GTF3C1: variants seen among roughly 807,000 people sequenced by gnomAD.
The protein encoded by GTF3C1 is general transcription factor IIIC subunit 1.
In GTF3C1, 57 loss-of-function variants were observed where a neutral mutation model predicts 226.7. That is an observed-to-expected ratio of 0.25 (90% CI 0.20 to 0.31). The LOEUF (loss-of-function observed/expected upper bound fraction) is 0.31, where lower values mean the gene tolerates loss of function less well. GTF3C1 is among the 10% of genes least tolerant of loss of function. GTF3C1 has a pLI of 1.00. For synonymous variants in GTF3C1, 1,090 were observed against 1,084.8 expected (o/e 1.00, Z -0.09); for missense variants, 2,217 against 2,776.1 (o/e 0.80, Z 4.53).
At chr16:27,521,071 G>A (rs993245128) in intron 6 of GTF3C1, among the ~76,000 whole-genome samples, 2 of 152,222 alleles carry the variant, frequency 1.3e-5, no homozygotes, top group Non-Finnish European at 2.9e-5. Context: ...GGTGTCAACT[G>A]TGCAGTGCTA....
At chr16:27,549,642 C>CCG in intron 1 of GTF3C1, 28 bp downstream of exon 1, 2 of 1,036,292 alleles carry the variant, frequency 1.9e-6, no homozygotes, top group Non-Finnish European at 2.9e-6. Context: ...CCCGCCCGCC[C>CCG]GCCCGCCAGG....
intron 29 of GTF3C1, among the ~76,000 whole-genome samples, chr16:27,474,502 G>T (rs1043365749): frequency 4.2e-4 from 64 of 152,194 alleles, no homozygotes; most frequent in African/African-American, 1.4e-3. Flanking sequence ...TAATCAGCAG[G>T]ATAGCTGGAA....
Position 27,483,083 on chromosome 16 carries a change from T to C in GTF3C1, c.4044A>G (p.Gly1348=). Residue 1348 remains glycine, a synonymous_variant, in exon 26 of 37, where the codon GGA becomes GGG. Coordinates refer to ENST00000356183, the MANE Select transcript of GTF3C1 (RefSeq NM_001520.4). ...AEVYQDKALV[G]DFMNRRGDYD... is the part of the protein sequence containing the mutation. The stretch of plus-strand genomic sequence containing the variant: ...AGTCACCTCTTCGATTCATGAAATC[T>C]CCAACAAGTGCTTTATCCTGGTACA... 6.2e-7 allele frequency: 1 copy of C among 1,614,210 alleles called. No homozygotes were observed. Among genetic ancestry groups the C allele is most frequent in the East Asian group, 2.2e-5 (1 of 44,888 alleles).
chr16:27,520,662 A>C (rs2088731650), intron 6 of GTF3C1, among the ~76,000 whole-genome samples: 1 of 152,214 alleles, frequency 6.6e-6, no homozygotes, highest in South Asian at 2.1e-4. Context: ...ACAGCTTCAG[A>C]GTCAATCACC....
Position 27,461,681 on chromosome 16 carries a change from G to C in GTF3C1, c.6118-119C>G. ...AGGGAGCCACTTCCCAGAGCAGGGG[G>C]CACCTGAACTGGGCATGAGGCAGAT... On this transcript the variant is annotated intron_variant, in intron 36 of 36. Transcript: ENST00000356183. This position sits in a 1 kb window ranked among gnomAD's most constrained non-coding sequence, Gnocchi z 5.3. 5.4e-6 allele frequency: 4 copies of C among 737,946 alleles called. No individual in the cohort carries two copies. The highest frequency in any genetic ancestry group is 1.7e-5 in the South Asian group (1 of 60,064). The allele number at this position is 737,946 out of a possible 1,614,324, so 45.7% of individuals were successfully genotyped here. A position where few individuals can be genotyped will look rare whatever the true frequency, so the allele number is the denominator to read the frequency against.
At chr16:27,541,411 A>G (rs2089080062) in intron 2 of GTF3C1, among the ~76,000 whole-genome samples, 1 of 152,226 alleles carries the variant, frequency 6.6e-6, no homozygotes, top group Non-Finnish European at 1.5e-5. Context: ...CAGGGGTTAC[A>G]ACTTCAAACA....
chr16:27,508,810 G>A (rs969837067), intron 7 of GTF3C1, among the ~76,000 whole-genome samples, 155 bp from the exon 8 acceptor site: 13 of 152,222 alleles, frequency 8.5e-5, no homozygotes, highest in Non-Finnish European at 1.3e-4. Flanking sequence ...CCTCCCAAGC[G>A]TGCTTCCCTC....
intron 29 of GTF3C1, among the ~76,000 whole-genome samples, chr16:27,474,732 T>C (rs910706090): frequency 6.6e-6 from 1 of 152,200 alleles, no homozygotes; most frequent in Non-Finnish European, 1.5e-5. Flanking sequence ...TACAAAATGC[T>C]GGGGTGGCAG....
chr16:27,470,800 C>T lies in GTF3C1; in HGVS notation c.4527-405G>A, dbSNP rs1318686160. 2.4e-5 allele frequency: 5 copies of T among 207,136 alleles called. No homozygotes were observed. Among genetic ancestry groups the T allele is most frequent in the Admixed American group, 1.6e-4 (3 of 19,052 alleles). The allele number at this position is 207,136 out of a possible 1,614,324, so 12.8% of individuals were successfully genotyped here. The stretch of plus-strand genomic sequence containing the variant: ...TACACATGTGCCCAAGCTGTCTCCA[C>T]GCAGTGCCTGGTGAGTCACTTCCCC... On this transcript the variant is annotated intron_variant, in intron 30 of 36. Coordinates refer to ENST00000356183, the MANE Select transcript of GTF3C1 (RefSeq NM_001520.4). This position sits in a 1 kb window ranked among gnomAD's most constrained non-coding sequence, Gnocchi z 4.9.
chr16:27,462,711 G>A lies in GTF3C1; in HGVS notation c.5925-225C>T, dbSNP rs961732482. 5 of 539,832 alleles carry A rather than the reference G, an allele frequency of 9.3e-6. No homozygotes were observed. Among genetic ancestry groups the A allele is most frequent in the South Asian group, 2.5e-5 (1 of 40,340 alleles). 33.4% of individuals were successfully genotyped at this position (539,832 alleles called of 1,614,324 possible). A position where few individuals can be genotyped will look rare whatever the true frequency, so the allele number is the denominator to read the frequency against. ...ACCAGGACGTGGTGTCCGCTCTGAT[G>A]TAGCTGTAACTGAGGCCTCAGTGGG... On this transcript the variant is annotated intron_variant, in intron 35 of 36. Transcript: ENST00000356183. The surrounding 1 kb of genome is among the most constrained non-coding windows in gnomAD (Gnocchi z 4.5).
Position 27,495,498 on chromosome 16 carries a change from G to T in GTF3C1, c.2351-6C>A, listed in dbSNP as rs747317982. On this transcript the variant is annotated splice_region_variant and splice_polypyrimidine_tract_variant and intron_variant, in intron 14 of 36. Coordinates refer to ENST00000356183, the MANE Select transcript of GTF3C1 (RefSeq NM_001520.4). ...AGAACGCCCCAGTCCGGGAACTAAA[G>T]CAAGAGAGGGAGAGGGCGGTGCTTG... 1.2e-6 allele frequency: 2 copies of T among 1,611,162 alleles called. No homozygotes were observed. The highest frequency in any genetic ancestry group is 4.5e-5 in the East Asian group (2 of 44,822).
chr16:27,506,942 C>T lies in GTF3C1; in HGVS notation c.1457G>A (p.Ser486Asn), dbSNP rs768109948. ...SESDSEEERS[S>N]SKRRGRGSQK... Reference sequence around the variant, plus strand: ...GGACCCTCTGCCTCTCCGCTTGCTGCTGCTCCTCTCCTCCTCACTGTCCGA... The same window carrying T: ...GGACCCTCTGCCTCTCCGCTTGCTGTTGCTCCTCTCCTCCTCACTGTCCGA... Residue 486 changes from serine to asparagine, a missense_variant, in exon 9 of 37, where the codon AGC (serine) becomes AAC (asparagine). By Grantham distance (46) the Ser-to-Asn change is conservative. Transcript: ENST00000356183. 21 of 1,613,856 alleles carry T rather than the reference C, an allele frequency of 1.3e-5. No individual in the cohort carries two copies. The highest frequency in any genetic ancestry group is 1.8e-5 in the Non-Finnish European group (21 of 1,179,854).
chr16:27,516,040 A>C (rs1596647479), intron 6 of GTF3C1, among the ~76,000 whole-genome samples: 2 of 152,210 alleles, frequency 1.3e-5, no homozygotes, highest in Non-Finnish European at 2.9e-5. Flanking sequence ...CAGTGGATGC[A>C]CTTGGCCAGT....
At chr16:27,542,488 G>C (rs904455890) in intron 2 of GTF3C1, among the ~76,000 whole-genome samples, 2 of 152,080 alleles carry the variant, frequency 1.3e-5, no homozygotes, top group African/African-American at 4.8e-5. Context: ...TTTAACCTGG[G>C]AGGTGGAGGT....
At chr16:27,467,198 C>T (rs915155571) in intron 32 of GTF3C1, among the ~76,000 whole-genome samples, 2 of 152,214 alleles carry the variant, frequency 1.3e-5, no homozygotes, top group Non-Finnish European at 2.9e-5. Flanking sequence ...ACAGGCCACT[C>T]TCGATAGGAA....
intron 23 of GTF3C1, among the ~76,000 whole-genome samples, chr16:27,486,440 A>G (rs891062736): frequency 5.3e-5 from 8 of 152,150 alleles, no homozygotes; most frequent in Non-Finnish European, 1.0e-4. Context: ...GCCAATCTCC[A>G]ATCTCCCCCA....
chr16:27,476,366 G>A (rs898734722), intron 29 of GTF3C1, 85 bp downstream of exon 29: 21 of 807,566 alleles, frequency 2.6e-5, no homozygotes, highest in African/African-American at 2.3e-4. Context: ...AGCCCACAGC[G>A]GAGAAGGGCA....
Position 27,463,804 on chromosome 16 carries a change from C to T in GTF3C1, c.5873-212G>A. ...TGCCGCACACAGCGCCACATGCAAGCAGCGTCCCAGGCCCGGACAAGCCCC... is the reference window on the plus strand; with the variant it reads ...TGCCGCACACAGCGCCACATGCAAGTAGCGTCCCAGGCCCGGACAAGCCCC... On this transcript the variant is annotated intron_variant, in intron 34 of 36. Transcript: ENST00000356183. This position sits in a 1 kb window ranked among gnomAD's most constrained non-coding sequence, Gnocchi z 4.9. 2 of 586,898 alleles carry T rather than the reference C, an allele frequency of 3.4e-6. No homozygotes were observed. The highest frequency in any genetic ancestry group is 6.0e-6 in the Non-Finnish European group (2 of 333,436). 36.4% of individuals were successfully genotyped at this position (586,898 alleles called of 1,614,324 possible). A position where few individuals can be genotyped will look rare whatever the true frequency, so the allele number is the denominator to read the frequency against.
chr16:27,536,528 C>T (rs149724378), intron 4 of GTF3C1, among the ~76,000 whole-genome samples: 59 of 152,258 alleles, frequency 3.9e-4, no homozygotes, highest in African/African-American at 1.4e-3. Context: ...ATCTGGGAGG[C>T]GGACATTTGA....
Sources: allele counts gnomAD v4.1 joint callset (sites outside exome capture counted in the v4.1 genomes callset), GRCh38; gene constraint gnomAD v4.1.1; non-coding constraint Gnocchi (gnomAD v3.1); transcripts MANE v1.5; gene names NCBI Gene and HGNC (gene_info 2026-07-23, HGNC 2026-07-21).